The following RFTN2 variants were observed in gnomAD, a reference collection of about 807,000 sequenced individuals.
RFTN2 encodes raftlin-2.
A neutral mutation model predicts 52.7 loss-of-function variants in RFTN2; 34 were observed. That is an observed-to-expected ratio of 0.64 (90% CI 0.49 to 0.86). The LOEUF is 0.86. Among genes scored for constraint, RFTN2 ranks in the 40% least tolerant of loss-of-function variants. The pLI is 0.00. For synonymous variants in RFTN2, 203 were observed against 217.7 expected (o/e 0.93, Z 0.59); for missense variants, 536 against 600.1 (o/e 0.89, Z 1.12).
rs557400293 is a variant in RFTN2 at position 197,624,478 on chromosome 2, G to A, written c.928+6533C>T. ...CCGGGCGTGGTGGCGTGAGCCTGTA[G>A]TCCCAGCTACTCGGGAGACTGAGGC... On this transcript the variant is annotated intron_variant, in intron 5 of 8. Transcript: ENST00000295049. 4.0e-5 allele frequency among the ~76,000 whole-genome samples: 6 copies of A among 151,742 alleles called. No homozygotes were observed. The East Asian group carries it at 1.2e-3, about 30-fold the overall frequency.
intron 8 of RFTN2, among the ~76,000 whole-genome samples, chr2:197,585,109 G>C (rs2087574814): frequency 6.6e-6 from 1 of 152,142 alleles, no homozygotes; most frequent in African/African-American, 2.4e-5. Flanking sequence ...CCTCCTGGAA[G>C]TCGCAAGTAC....
chr2:197,674,859 C>G (rs1231950318), intron 1 of RFTN2, among the ~76,000 whole-genome samples: 1 of 151,788 alleles, frequency 6.6e-6, no homozygotes, highest in Non-Finnish European at 1.5e-5. Context: ...CAAATGACTA[C>G]CATAATCACA....
chr2:197,589,320 T>C (rs1358267193), intron 8 of RFTN2, among the ~76,000 whole-genome samples: 1 of 146,042 alleles, frequency 6.8e-6, no homozygotes, highest in Admixed American at 6.9e-5. Context: ...GACTTGCTCC[T>C]CCTTGCCTTC....
chr2:197,620,187 T>TA (rs1159201273), intron 5 of RFTN2, among the ~76,000 whole-genome samples: 97 of 146,882 alleles, frequency 6.6e-4, no homozygotes, highest in African/African-American at 1.3e-3. Context: ...AATGATGGGT[T>TA]AAAAAAAAAA....
At chr2:197,652,520 T>TA (rs1346686700) in intron 1 of RFTN2, among the ~76,000 whole-genome samples, 3 of 152,188 alleles carry the variant, frequency 2.0e-5, no homozygotes, top group African/African-American at 7.2e-5. Flanking sequence ...TTCCTTTTCT[T>TA]ATGTATGTAA....
chr2:197,660,004 A>G (rs1360920979), intron 1 of RFTN2, among the ~76,000 whole-genome samples: 1 of 152,232 alleles, frequency 6.6e-6, no homozygotes, highest in African/African-American at 2.4e-5. Flanking sequence ...TACAAAAATC[A>G]TATAAGGTAA....
intron 1 of RFTN2, among the ~76,000 whole-genome samples, chr2:197,660,127 C>A (rs2088957390): frequency 6.6e-6 from 1 of 152,192 alleles, no homozygotes; most frequent in South Asian, 2.1e-4. Flanking sequence ...CAGAGTGAGT[C>A]CAGAGCCAGT....
chr2:197,599,000 G>A (rs2087835709), intron 7 of RFTN2, among the ~76,000 whole-genome samples: 1 of 151,316 alleles, frequency 6.6e-6, no homozygotes, highest in African/African-American at 2.4e-5. Context: ...CGCCCAGGCT[G>A]GAGTGCAGTG....
chr2:197,622,962 G>A (rs1415003631), intron 5 of RFTN2, among the ~76,000 whole-genome samples: 1 of 152,154 alleles, frequency 6.6e-6, no homozygotes, highest in East Asian at 1.9e-4. Context: ...AAAATATTAT[G>A]CTTATTGACA....
intron 5 of RFTN2, among the ~76,000 whole-genome samples, chr2:197,626,562 C>T (rs1336311151): frequency 6.4e-5 from 8 of 124,034 alleles, no homozygotes; most frequent in Non-Finnish European, 1.1e-4. Context: ...ACCCCATCTA[C>T]AAATAAATAA....
At chr2:197,626,658 G>T (rs1474903428) in intron 5 of RFTN2, among the ~76,000 whole-genome samples, 2 of 108,608 alleles carry the variant, frequency 1.8e-5, no homozygotes, top group South Asian at 6.2e-4. Context: ...GTCTTGCACT[G>T]TCGCCTGGGC....
chr2:197,675,299 C>A, intron 1 of RFTN2, 21 bp downstream of exon 1: 1 of 1,552,944 alleles, frequency 6.4e-7, no homozygotes, highest in Non-Finnish European at 8.7e-7. Context: ...ATTTAACAAA[C>A]AAAATAGAAG....
At position 197,604,770 on chromosome 2, in the gene RFTN2, ATTTATTTT is replaced by A. The variant is rs760454704; in HGVS notation, c.1155-8709_1155-8702del. Among the ~76,000 whole-genome samples, 348 of 149,130 alleles carry A rather than the reference ATTTATTTT, an allele frequency of 2.3e-3. 3 individuals are homozygous for A. The highest frequency in any genetic ancestry group is 0.021 in the Admixed American group (310 of 15,100). On this transcript the variant is annotated intron_variant, in intron 7 of 8. Coordinates refer to ENST00000295049, the MANE Select transcript of RFTN2 (RefSeq NM_144629.3). ...TATTTATTTATTTATTTATTTATTT[ATTTATTTT>A]GAGACAGAGCCTCACTCTGTTGCCC...
chr2:197,660,155 G>A (rs527826966), intron 1 of RFTN2, among the ~76,000 whole-genome samples: 1 of 152,298 alleles, frequency 6.6e-6, no homozygotes, highest in Admixed American at 6.5e-5. Context: ...AGTGCCTGCA[G>A]AGAAGGAAAA....
intron 7 of RFTN2, among the ~76,000 whole-genome samples, chr2:197,609,772 T>G (rs936887812): frequency 1.3e-5 from 2 of 152,242 alleles, no homozygotes; most frequent in Non-Finnish European, 2.9e-5. Flanking sequence ...AAGTCTTTAA[T>G]CCATCTTGAG....
intron 7 of RFTN2, among the ~76,000 whole-genome samples, chr2:197,604,963 G>A (rs2087935960): frequency 6.6e-6 from 1 of 151,954 alleles, no homozygotes; most frequent in South Asian, 2.1e-4. Flanking sequence ...GTTTTGCCAT[G>A]TTGGCCAGGC....
At chr2:197,618,739 C>A (rs1419399820) in intron 5 of RFTN2, among the ~76,000 whole-genome samples, 1 of 151,234 alleles carries the variant, frequency 6.6e-6, no homozygotes, top group Non-Finnish European at 1.5e-5. Context: ...TGCCCTGCCG[C>A]CCCGTCCGGG....
At chr2:197,590,766 C>T (rs1390928047) in intron 8 of RFTN2, among the ~76,000 whole-genome samples, 1 of 151,996 alleles carries the variant, frequency 6.6e-6, no homozygotes, top group African/African-American at 2.4e-5. Context: ...TAACGTGGCG[C>T]GTCTGGAGTT....
At position 197,648,060 on chromosome 2, in the gene RFTN2, G is replaced by A. The variant is rs193171420; in HGVS notation, c.140-1394C>T. Among the ~76,000 whole-genome samples the A allele has an allele frequency of 2.6e-5, 4 of 152,310 alleles. No individual in the cohort carries two copies. The East Asian group carries it at 7.7e-4, about 29-fold the overall frequency. On this transcript the variant is annotated intron_variant, in intron 1 of 8. Coordinates refer to ENST00000295049, the MANE Select transcript of RFTN2 (RefSeq NM_144629.3). ...CATATGAAATTAATTCCAGATATGA[G>A]CCTAGTTGGCTGTTGACCTCTGTCA...
Sources: gnomAD v4.1 joint callset for allele counts (sites outside exome capture counted in the v4.1 genomes callset) on GRCh38, gnomAD v4.1.1 for gene constraint, MANE v1.5 for transcripts, NCBI Gene and HGNC (gene_info 2026-07-23, HGNC 2026-07-21) for gene names.